The following GPRC5A variants were observed in gnomAD, a reference collection of about 807,000 sequenced individuals.
GPRC5A encodes the protein G protein-coupled receptor class C group 5 member A, also known as retinoic acid-induced protein 3.
Under a neutral mutation model 22.5 loss-of-function variants are expected in GPRC5A, and 19 were observed. The observed-to-expected ratio is 0.85, with a 90% confidence interval of 0.59 to 1.24. The LOEUF is 1.24. GPRC5A is among the 50% of genes most tolerant of loss of function. GPRC5A has a pLI of 0.00. For synonymous variants in GPRC5A, 192 were observed against 184.5 expected, an observed-to-expected ratio of 1.04 and a Z score of -0.33; for missense variants, 471 against 451.1, an observed-to-expected ratio of 1.04 and a Z score of -0.40.
At chr12:12,899,401 G>C (rs1025271343) in intron 1 of GPRC5A, among the ~76,000 whole-genome samples, 1 of 152,166 alleles carries the variant, frequency 6.6e-6, no homozygotes, top group Non-Finnish European at 1.5e-5. Flanking sequence ...GGTTTAAATG[G>C]AGAGAGGTTG....
In GPRC5A at chr12:12,917,517, CTT is replaced by C. The variant is rs1346928883; in HGVS notation, c.*4980_*4981del. On this transcript the variant is annotated 3_prime_UTR_variant, in exon 4 of 4. Transcript: ENST00000014914. ...AATTCTGGACACTTCCCAGAGAAGT[CTT>C]TGAGTAGAGAATCCTACTCAAATTT... The C allele has an allele frequency of 6.6e-6, 1 of 152,026 alleles. No homozygotes were observed. The highest frequency in any genetic ancestry group is 1.9e-4 in the East Asian group (1 of 5,194). 9.4% of individuals were successfully genotyped at this position (152,026 alleles called of 1,614,324 possible). A position where few individuals can be genotyped will look rare whatever the true frequency, so the allele number is the denominator to read the frequency against.
intron 1 of GPRC5A, among the ~76,000 whole-genome samples, chr12:12,892,329 T>C (rs1863768622): frequency 6.6e-6 from 1 of 152,204 alleles, no homozygotes; most frequent in Non-Finnish European, 1.5e-5. Context: ...TGCTGTTCCA[T>C]CTGGTCCCTT....
chr12:12,897,485 C>T (rs3782578), intron 1 of GPRC5A, among the ~76,000 whole-genome samples: 55,871 of 151,648 alleles, frequency 0.37, 11,350 homozygotes, highest in African/African-American at 0.53. Context: ...TTGCCTTGCA[C>T]GGAGGTGGAG....
rs1273160382 is a variant in GPRC5A, at chr12:12,916,806, G to C, written c.*4267G>C. Reference sequence around the variant, plus strand: ...AAAAGTGTGCCAAAACAAAGAGTACGGCCGGCCCTGGAAATGCATCAGCAA... The same window carrying C: ...AAAAGTGTGCCAAAACAAAGAGTACCGCCGGCCCTGGAAATGCATCAGCAA... On this transcript the variant is annotated 3_prime_UTR_variant, in exon 4 of 4. Transcript: ENST00000014914. 1 of 152,122 alleles carries C rather than the reference G, an allele frequency of 6.6e-6. No homozygotes were observed. The highest frequency in any genetic ancestry group is 1.5e-5 in the Non-Finnish European group (1 of 68,082). The allele number at this position is 152,122 out of a possible 1,614,324, so 9.4% of individuals were successfully genotyped here.
At chr12:12,899,938 A>G (rs1863864162) in intron 1 of GPRC5A, among the ~76,000 whole-genome samples, 1 of 152,212 alleles carries the variant, frequency 6.6e-6, no homozygotes, top group Admixed American at 6.5e-5. Context: ...AGGACTGCGT[A>G]GAATAAGCAT....
intron 1 of GPRC5A, among the ~76,000 whole-genome samples, chr12:12,902,100 G>C (rs1863894416): frequency 6.6e-6 from 1 of 152,024 alleles, no homozygotes; most frequent in Non-Finnish European, 1.5e-5. Flanking sequence ...CCAATCCCCT[G>C]GTGTCTTTCC....
intron 1 of GPRC5A, among the ~76,000 whole-genome samples, chr12:12,902,012 C>A (rs1250483003): frequency 6.6e-6 from 1 of 152,204 alleles, no homozygotes; most frequent in Non-Finnish European, 1.5e-5. Flanking sequence ...TTCCTAAATG[C>A]TGATCACTTC....
chr12:12,906,959 A>G (rs1863947709), intron 1 of GPRC5A, among the ~76,000 whole-genome samples: 1 of 151,970 alleles, frequency 6.6e-6, no homozygotes, highest in Non-Finnish European at 1.5e-5. Flanking sequence ...CAGGAGGCTG[A>G]GGCAGAATTG....
intron 1 of GPRC5A, among the ~76,000 whole-genome samples, chr12:12,894,280 A>G (rs1396209184): frequency 1.3e-5 from 2 of 152,250 alleles, no homozygotes; most frequent in African/African-American, 4.8e-5. Context: ...TTAAGTATCC[A>G]TAGAACATTT....
chr12:12,911,985 A>T (rs1217169896), intron 2 of GPRC5A, 99 bp from the exon 3 acceptor site: 4 of 749,974 alleles, frequency 5.3e-6, no homozygotes, highest in Non-Finnish European at 9.4e-6. Context: ...AGAGACAGGC[A>T]ATTAAATGGG....
At position 12,909,171 on chromosome 12, in the gene GPRC5A, G is replaced by T. The variant is rs747528791; in HGVS notation, c.922G>T (p.Gly308Cys). Reference protein sequence around the residue: ...RAYSQEEITQGFEETGDTLYA... With the variant: ...RAYSQEEITQCFEETGDTLYA... ...CTACTCTCAAGAGGAAATCACTCAA[G>T]GTACAGATGCAGCCTGGCTAGGCAG... Residue 308 changes from glycine (G) to cysteine (C), a missense_variant and splice_region_variant, in exon 2 of 4, where the codon GGT becomes TGT. Physicochemically the swap from Gly to Cys is radical, Grantham distance 159. Coordinates refer to ENST00000014914, the MANE Select transcript of GPRC5A (RefSeq NM_003979.4). 5.1e-6 allele frequency: 8 copies of T among 1,569,906 alleles called. No homozygotes were observed. Among genetic ancestry groups the T allele is most frequent in the Non-Finnish European group, 6.9e-6 (8 of 1,160,526 alleles).
At chr12:12,901,275 A>G (rs1042311876) in intron 1 of GPRC5A, among the ~76,000 whole-genome samples, 1 of 152,124 alleles carries the variant, frequency 6.6e-6, no homozygotes, top group Non-Finnish European at 1.5e-5. Flanking sequence ...AAACCTCAGG[A>G]TTCATGCTTT....
intron 1 of GPRC5A, among the ~76,000 whole-genome samples, chr12:12,901,762 CAA>C (rs34748296): frequency 0.013 from 1,114 of 85,632 alleles, 15 homozygotes; most frequent in African/African-American, 0.035. Flanking sequence ...ACTTGGGCAT[CAA>C]AAAAAAAAAA....
chr12:12,903,063 G>A (rs1017378545), intron 1 of GPRC5A, among the ~76,000 whole-genome samples: 1 of 151,812 alleles, frequency 6.6e-6, no homozygotes, highest in African/African-American at 2.4e-5. Context: ...GTGAAACTCC[G>A]TCTCAAACAA....
At chr12:12,909,986 C>CTGGAGT (rs2136462014) in intron 2 of GPRC5A, 1 of 142,434 alleles carries the variant, frequency 7.0e-6, no homozygotes, top group African/African-American at 2.6e-5. Flanking sequence ...TTGCTCTTAT[C>CTGGAGT]TGGAGTTGAG....
intron 1 of GPRC5A, among the ~76,000 whole-genome samples, chr12:12,898,842 C>T (rs1863851031): frequency 2.0e-5 from 3 of 152,168 alleles, no homozygotes; most frequent in Admixed American, 6.6e-5. Context: ...TTTCATGTTT[C>T]ATCTCCCTGC....
At chr12:12,895,983 ACT>A (rs1863819140) in intron 1 of GPRC5A, among the ~76,000 whole-genome samples, 1 of 106,358 alleles carries the variant, frequency 9.4e-6, no homozygotes, top group African/African-American at 3.8e-5. Context: ...ACATAGTGAG[ACT>A]CTGTCTCACA....
chr12:12,896,555 C>T (rs1863824700), intron 1 of GPRC5A, among the ~76,000 whole-genome samples: 2 of 152,116 alleles, frequency 1.3e-5, no homozygotes, highest in African/African-American at 4.8e-5. Flanking sequence ...AACATCAGCA[C>T]ATATTCATCT....
At chr12:12,893,703 G>A (rs1441177427) in intron 1 of GPRC5A, among the ~76,000 whole-genome samples, 1 of 152,178 alleles carries the variant, frequency 6.6e-6, no homozygotes, top group African/African-American at 2.4e-5. Flanking sequence ...GACCAAATAT[G>A]GCCTATAGCC....
Sources: gnomAD v4.1 joint callset for allele counts (sites outside exome capture counted in the v4.1 genomes callset) on GRCh38, gnomAD v4.1.1 for gene constraint, MANE v1.5 for transcripts, NCBI Gene and HGNC (gene_info 2026-07-23, HGNC 2026-07-21) for gene names.